The following DNER variants were observed in gnomAD, a reference collection of about 807,000 sequenced individuals.
The protein encoded by DNER is delta and Notch-like epidermal growth factor-related receptor.
In DNER, 33 loss-of-function variants were observed where a neutral mutation model predicts 78.2. That is an observed-to-expected ratio of 0.42 (90% CI 0.32 to 0.56). The LOEUF is 0.56. Ranked by LOEUF, DNER falls within the 20% of genes least tolerant of loss-of-function variation. The probability of loss-of-function intolerance (pLI) is 0.11; values close to 1 mark genes in which losing one functional copy is unlikely to be tolerated. For synonymous variants in DNER, 417 were observed against 384.8 expected (o/e 1.08, Z -0.98); for missense variants, 918 against 975.3 (o/e 0.94, Z 0.78).
At chr2:229,541,299 A>G (rs1269799316) in intron 5 of DNER, among the ~76,000 whole-genome samples, 2 of 151,936 alleles carry the variant, frequency 1.3e-5, no homozygotes, top group African/African-American at 4.8e-5. Context: ...TCAACTGGGT[A>G]GAAAGGGGGC....
At chr2:229,532,457 T>C (rs1696323570) in intron 5 of DNER, among the ~76,000 whole-genome samples, 1 of 152,218 alleles carries the variant, frequency 6.6e-6, no homozygotes. Flanking sequence ...CACTCTGTCC[T>C]TCTTTTCAAT....
intron 1 of DNER, among the ~76,000 whole-genome samples, chr2:229,652,426 A>G (rs1354781255): frequency 6.6e-6 from 1 of 152,254 alleles, no homozygotes; most frequent in African/African-American, 2.4e-5. Flanking sequence ...AGGTGCATCT[A>G]TCAGAGCATC....
At chr2:229,565,829 A>G (rs1200877334) in intron 4 of DNER, among the ~76,000 whole-genome samples, 1 of 152,196 alleles carries the variant, frequency 6.6e-6, no homozygotes, top group East Asian at 1.9e-4. Flanking sequence ...CAGAATATAC[A>G]ATTAAAATTC....
rs143819913 is a variant in DNER at position 229,429,659 on chromosome 2, A to G, written c.1487-11429T>C. 6.0e-4 allele frequency among the ~76,000 whole-genome samples: 92 copies of G among 152,322 alleles called. No individual in the cohort carries two copies. The East Asian group carries it at 0.017, about 28-fold the overall frequency. On this transcript the variant is annotated intron_variant, in intron 8 of 12. Transcript: ENST00000341772. ...CTGAAGGACGCCATTACCCTGAGCCATAGTTTCACATGGTCAGCAAAGACC... is the reference window on the plus strand; with the variant it reads ...CTGAAGGACGCCATTACCCTGAGCCGTAGTTTCACATGGTCAGCAAAGACC...
intron 1 of DNER, among the ~76,000 whole-genome samples, chr2:229,705,542 G>A (rs1243970570): frequency 1.3e-5 from 2 of 152,076 alleles, no homozygotes; most frequent in South Asian, 4.1e-4. Flanking sequence ...TTTTCCCTCT[G>A]GTGCTCACTT....
chr2:229,682,463 T>C (rs1335567325), intron 1 of DNER, among the ~76,000 whole-genome samples: 1 of 152,218 alleles, frequency 6.6e-6, no homozygotes, highest in Non-Finnish European at 1.5e-5. Flanking sequence ...TGATCCTGCT[T>C]CTTATTTCTT....
intron 5 of DNER, among the ~76,000 whole-genome samples, chr2:229,544,594 A>G (rs188704380): frequency 0.019 from 2,852 of 149,838 alleles, 49 homozygotes; most frequent in Non-Finnish European, 0.031. Context: ...GGCCAATGGC[A>G]CAATCTTGGC....
chr2:229,473,112 A>T (rs1335126395), intron 7 of DNER, among the ~76,000 whole-genome samples: 1 of 152,224 alleles, frequency 6.6e-6, no homozygotes, highest in Admixed American at 6.5e-5. Flanking sequence ...AAGAGAAAGG[A>T]TGCGGATGTG....
chr2:229,500,784 C>T (rs1000830102), intron 6 of DNER, among the ~76,000 whole-genome samples: 13 of 151,974 alleles, frequency 8.6e-5, no homozygotes, highest in Non-Finnish European at 1.6e-4. Context: ...TGTAAGATTT[C>T]GATGCACCTA....
chr2:229,361,907 G>A (rs1378803268), intron 12 of DNER, among the ~76,000 whole-genome samples: 2 of 151,362 alleles, frequency 1.3e-5, no homozygotes, highest in Non-Finnish European at 2.9e-5. Flanking sequence ...TCTGTGCTGG[G>A]TGGGGCGGGC....
At chr2:229,441,180 C>A (rs1694226748) in intron 8 of DNER, among the ~76,000 whole-genome samples, 1 of 152,050 alleles carries the variant, frequency 6.6e-6, no homozygotes, top group African/African-American at 2.4e-5. Flanking sequence ...CCCCATGACC[C>A]AGGACTTCCC....
intron 10 of DNER, among the ~76,000 whole-genome samples, chr2:229,392,479 CCACAA>C (rs202140163): frequency 0.029 from 4,462 of 152,178 alleles, 96 homozygotes; most frequent in African/African-American, 0.059. Flanking sequence ...GTAGGAAAGA[CCACAA>C]CACAAGATAG....
At chr2:229,428,671 G>GAAA (rs11390976) in intron 8 of DNER, among the ~76,000 whole-genome samples, 6 of 145,058 alleles carry the variant, frequency 4.1e-5, no homozygotes, top group Admixed American at 6.9e-5. Context: ...GAAGTGATTT[G>GAAA]AAAAAAAAAA....
intron 4 of DNER, among the ~76,000 whole-genome samples, chr2:229,564,726 A>G (rs1202276961): frequency 6.6e-6 from 1 of 151,970 alleles, no homozygotes; most frequent in Non-Finnish European, 1.5e-5. Flanking sequence ...TCACCCCATC[A>G]CCATCATCAT....
intron 1 of DNER, among the ~76,000 whole-genome samples, chr2:229,701,526 A>G (rs1446019464): frequency 6.6e-6 from 1 of 152,230 alleles, no homozygotes; most frequent in African/African-American, 2.4e-5. Flanking sequence ...ACTTTGGGGT[A>G]CTTCGAGGTC....
In DNER at chr2:229,596,263, T is replaced by C. The variant is rs143328755; in HGVS notation, c.277-4375A>G. ...CTATGAAGTGTACTGCCTTGTTAAATGGAATCAGGATTCTCCAAGGCCCAG... is the reference window on the plus strand; with the variant it reads ...CTATGAAGTGTACTGCCTTGTTAAACGGAATCAGGATTCTCCAAGGCCCAG... On this transcript the variant is annotated intron_variant, in intron 1 of 12. Coordinates refer to ENST00000341772, the MANE Select transcript of DNER (RefSeq NM_139072.4). Among the ~76,000 whole-genome samples the C allele has an allele frequency of 1.2e-3, 185 of 152,354 alleles. 1 individual carries two copies. The highest frequency in any genetic ancestry group is 4.4e-3 in the African/African-American group (181 of 41,584).
At chr2:229,700,851 C>A (rs188481827) in intron 1 of DNER, among the ~76,000 whole-genome samples, 2 of 151,064 alleles carry the variant, frequency 1.3e-5, no homozygotes, top group Admixed American at 1.3e-4. Flanking sequence ...AACCCAGGAG[C>A]CACTGCACTC....
chr2:229,472,600 C>T (rs1694946575), intron 7 of DNER, among the ~76,000 whole-genome samples: 1 of 152,056 alleles, frequency 6.6e-6, no homozygotes, highest in South Asian at 2.1e-4. Context: ...CATATATAGA[C>T]ATCTTCAGAA....
At position 229,539,112 on chromosome 2, in the gene DNER, C is replaced by A. The variant is rs534975603; in HGVS notation, c.993+7835G>T. 8.3e-4 allele frequency among the ~76,000 whole-genome samples: 126 copies of A among 152,304 alleles called. 1 individual carries two copies. The highest frequency in any genetic ancestry group is 1.8e-3 in the Admixed American group (28 of 15,290). ...GTGCTGAAAAGGATGCAGGAAAGGTCTTTCCTTTGATTCTTTGTGGGCTCC... is the reference window on the plus strand; with the variant it reads ...GTGCTGAAAAGGATGCAGGAAAGGTATTTCCTTTGATTCTTTGTGGGCTCC... On this transcript the variant is annotated intron_variant, in intron 5 of 12. Coordinates refer to ENST00000341772, the MANE Select transcript of DNER (RefSeq NM_139072.4).
Sources: allele counts gnomAD v4.1 joint callset (sites outside exome capture counted in the v4.1 genomes callset), GRCh38; gene constraint gnomAD v4.1.1; transcripts MANE v1.5; gene names NCBI Gene and HGNC (gene_info 2026-07-23, HGNC 2026-07-21).